The following SLC22A24 variants were observed in gnomAD, a reference collection of about 807,000 sequenced individuals.
SLC22A24 encodes the protein steroid transmembrane transporter SLC22A24.
In SLC22A24, 53 loss-of-function variants were observed where a neutral mutation model predicts 49.8. The observed-to-expected ratio is 1.06, with a 90% CI of 0.85 to 1.34. SLC22A24 has a LOEUF of 1.34. Among genes scored for constraint, SLC22A24 ranks in the 40% most tolerant of loss-of-function variants. The pLI is 0.00. For missense variants in SLC22A24, 786 were observed against 675.9 expected, an observed-to-expected ratio of 1.16 and a Z score of -1.81; for synonymous variants, 302 against 256.4, an observed-to-expected ratio of 1.18 and a Z score of -1.70.
chr11:63,113,141 C>T (rs1389292905), intron 4 of SLC22A24, among the ~76,000 whole-genome samples: 1 of 5,598 alleles, frequency 1.8e-4, no homozygotes, highest in African/African-American at 5.0e-4. Context: ...TATATATACA[C>T]ATATATATAT....
At chr11:63,131,185 G>A (rs1239568853) in intron 2 of SLC22A24, among the ~76,000 whole-genome samples, 2 of 151,824 alleles carry the variant, frequency 1.3e-5, no homozygotes, top group African/African-American at 4.8e-5. Context: ...TGTGAGCTGG[G>A]TTTCCTGAGT....
At chr11:63,093,585 T>C (rs1358665043) in intron 6 of SLC22A24, among the ~76,000 whole-genome samples, 4 of 152,028 alleles carry the variant, frequency 2.6e-5, no homozygotes. Flanking sequence ...AGCAAACTAA[T>C]GCAGAAACAG....
intron 2 of SLC22A24, among the ~76,000 whole-genome samples, chr11:63,120,742 T>A (rs1177919626): frequency 6.6e-6 from 1 of 152,172 alleles, no homozygotes; most frequent in African/African-American, 2.4e-5. Context: ...TTCTGTAATT[T>A]TTGTTACCCT....
intron 7 of SLC22A24, among the ~76,000 whole-genome samples, chr11:63,082,216 A>G (rs1468425295): frequency 6.6e-6 from 1 of 152,180 alleles, no homozygotes; most frequent in Non-Finnish European, 1.5e-5. Context: ...TTTATTTGGG[A>G]GTGGACAGTG....
intron 2 of SLC22A24, among the ~76,000 whole-genome samples, chr11:63,121,833 C>T (rs1315549752): frequency 6.6e-6 from 1 of 152,122 alleles, no homozygotes; most frequent in African/African-American, 2.4e-5. Context: ...TGTTCCCCTT[C>T]CTGTGTCCAT....
At chr11:63,112,011 A>G (rs2087169098) in intron 4 of SLC22A24, among the ~76,000 whole-genome samples, 1 of 150,706 alleles carries the variant, frequency 6.6e-6, no homozygotes, top group South Asian at 2.1e-4. Flanking sequence ...CCCTCTACAC[A>G]CTGCTTTGAA....
intron 4 of SLC22A24, among the ~76,000 whole-genome samples, chr11:63,110,914 C>G (rs905967122): frequency 3.3e-5 from 5 of 151,118 alleles, no homozygotes; most frequent in Non-Finnish European, 5.9e-5. Flanking sequence ...AGAGGGCATC[C>G]CTGTCTTGTG....
chr11:63,138,733 C>T (rs958018969), intron 1 of SLC22A24, among the ~76,000 whole-genome samples: 1 of 149,252 alleles, frequency 6.7e-6, no homozygotes, highest in Middle Eastern at 3.5e-3. Context: ...CTGTATAGTT[C>T]AATAGCTAAG....
intron 2 of SLC22A24, among the ~76,000 whole-genome samples, chr11:63,128,013 G>A (rs2134675180): frequency 1.0e-5 from 1 of 98,802 alleles, no homozygotes; most frequent in South Asian, 4.1e-4. Flanking sequence ...GCAAGAGACT[G>A]AGAGCAGGAG....
At chr11:63,109,283 C>T (rs949844775) in intron 4 of SLC22A24, among the ~76,000 whole-genome samples, 5 of 145,706 alleles carry the variant, frequency 3.4e-5, no homozygotes, top group African/African-American at 1.0e-4. Flanking sequence ...TCTTTGCTAT[C>T]GTGAATAATG....
intron 6 of SLC22A24, among the ~76,000 whole-genome samples, chr11:63,088,956 C>T (rs1420233180): frequency 6.6e-6 from 1 of 152,078 alleles, no homozygotes; most frequent in East Asian, 1.9e-4. Context: ...AAATTGGTGT[C>T]CCTGAAAATG....
chr11:63,083,352 G>A lies in SLC22A24; in HGVS notation c.1176C>T (p.Ala392=). Reference sequence around the variant, plus strand: ...TCAGTGTCAAAAGGGAAACACATCTGGCTGTGAATGTGACAGCTCCACAGA... The same window carrying A: ...TCAGTGTCAAAAGGGAAACACATCTAGCTGTGAATGTGACAGCTCCACAGA... ...QILCGAVTFT[A]RCVSLLTLNH... Residue 392 remains alanine, a synonymous_variant, in exon 7 of 10, where the codon GCC becomes GCT. Transcript: ENST00000612278. 1 of 1,553,560 alleles carries A rather than the reference G, an allele frequency of 6.4e-7. No individual in the cohort carries two copies.
Position 63,083,454 on chromosome 11 carries a change from G to A in SLC22A24, c.1074C>T (p.Phe358=), listed in dbSNP as rs534279880. 5.7e-5 allele frequency: 89 copies of A among 1,549,516 alleles called. No individual in the cohort carries two copies. Among genetic ancestry groups the A allele is most frequent in the Middle Eastern group, 1.7e-4 (1 of 5,982 alleles). Residue 358 remains phenylalanine, a synonymous_variant, in exon 7 of 10, where the codon TTC becomes TTT. Transcript: ENST00000612278. ...MRVFGLCFVR[F]AITVPFYGLI... ...GGCCATAAAAGGGTACAGTGATTGC[G>A]AATCTGAAGTGAATAAAAAGGACAA...
intron 9 of SLC22A24, 116 bp from the exon 10 acceptor site, chr11:63,080,116 T>G (rs1314675757): frequency 1.6e-6 from 1 of 640,612 alleles, no homozygotes; most frequent in African/African-American, 1.8e-5. Context: ...CCCACCAGCA[T>G]TGTAATCCAA....
chr11:63,116,929 C>T (rs1024571818), intron 4 of SLC22A24, among the ~76,000 whole-genome samples: 5 of 151,924 alleles, frequency 3.3e-5, no homozygotes, highest in African/African-American at 9.7e-5. Flanking sequence ...TCCTTTTAAA[C>T]ATTTCCATCT....
intron 4 of SLC22A24, chr11:63,115,756 G>A (rs1590741634): frequency 1.2e-5 from 1 of 84,856 alleles, no homozygotes; most frequent in East Asian, 4.8e-4. Flanking sequence ...TCTGCTGACA[G>A]ATTTTTTTTT....
intron 6 of SLC22A24, 25 bp from the exon 7 acceptor site, chr11:63,083,482 A>G: frequency 5.3e-6 from 8 of 1,511,050 alleles, no homozygotes; most frequent in Non-Finnish European, 6.3e-6. Flanking sequence ...AAGGACAAAG[A>G]CATATTCAAT....
chr11:63,143,416 A>G lies in SLC22A24; in HGVS notation c.364T>C (p.Tyr122His). Residue 122 changes from tyrosine (Y) to histidine (H), a missense_variant, in exon 1 of 10, where the codon TAC (tyrosine) becomes CAC (histidine). By Grantham distance (83) the Tyr-to-His change is moderately conservative (BLOSUM62 2). Coordinates refer to ENST00000612278, the MANE Select transcript of SLC22A24 (RefSeq NM_001136506.2). ...GTGGAGAGGAAAGAGCTTCTGTCGT[A>G]CACCCAGCCATCCACACAGGGCTCC... ...DTEPCVDGWV[Y>H]DRSSFLSTIV... The G allele has an allele frequency of 6.6e-7, 1 of 1,523,956 alleles. No homozygotes were observed. Among genetic ancestry groups the G allele is most frequent in the Non-Finnish European group, 8.8e-7 (1 of 1,141,322 alleles). The allele number at this position is 1,523,956 out of a possible 1,614,324, so 94.4% of individuals were successfully genotyped here.
chr11:63,112,768 C>A (rs1045127050), intron 4 of SLC22A24, among the ~76,000 whole-genome samples: 2 of 151,720 alleles, frequency 1.3e-5, no homozygotes, highest in Non-Finnish European at 2.9e-5. Flanking sequence ...ACTCCCAGCA[C>A]TTTGGGAGGC....
Sources: allele counts gnomAD v4.1 joint callset (sites outside exome capture counted in the v4.1 genomes callset), GRCh38; gene constraint gnomAD v4.1.1; transcripts MANE v1.5; gene names NCBI Gene and HGNC (gene_info 2026-07-23, HGNC 2026-07-21).